Variants in SYN1 observed in about 807,000 individuals in gnomAD.
The protein encoded by SYN1 is synapsin I, also known as synapsin-1.
Under a neutral mutation model 44.6 loss-of-function variants are expected in SYN1, and 8 were observed. That is an observed-to-expected ratio of 0.18 (90% CI 0.11 to 0.32). The LOEUF is 0.32. Ranked by LOEUF, SYN1 falls within the 10% of genes least tolerant of loss-of-function variation. The pLI is 1.00. For missense variants in SYN1, 451 were observed against 639.4 expected (o/e 0.71, Z 3.18); for synonymous variants, 275 against 280.1 (o/e 0.98, Z 0.18).
Position 47,574,700 on chromosome X carries a change from G to T in SYN1, c.1381C>A (p.Pro461Thr). 2.5e-6 allele frequency: 3 copies of T among 1,184,756 alleles called. No homozygotes were observed. The highest frequency in any genetic ancestry group is 3.4e-6 in the Non-Finnish European group (3 of 882,229). ...QPAGPPAQQR[P>T]PPQGGPPQPG... ...GCCTCTCGCTTACCCTGTGGTGGGG[G>T]TCGCTGCTGAGCCGGGGGCCCTGCG... is the stretch of plus-strand genomic sequence containing the variant. Residue 461 changes from proline to threonine, a missense_variant, in exon 11 of 13, where the codon CCC (proline) becomes ACC (threonine). Transcript: ENST00000295987.
At chrX:47,577,170 G>A (rs1390200287) in intron 6 of SYN1, among the ~76,000 whole-genome samples, 1 of 111,092 alleles carries the variant, frequency 9.0e-6, no homozygotes, top group Non-Finnish European at 1.9e-5. Context: ...CACGATGCTG[G>A]AGACAAGCAA....
intron 1 of SYN1, among the ~76,000 whole-genome samples, chrX:47,616,573 A>G (rs1306266684): frequency 8.9e-6 from 1 of 111,847 alleles, no homozygotes; most frequent in Non-Finnish European, 1.9e-5. Flanking sequence ...GCTGACTTCA[A>G]TGGAGCAAAC....
intron 5 of SYN1, among the ~76,000 whole-genome samples, chrX:47,594,068 T>TA (rs1199745903): frequency 4.5e-5 from 5 of 110,489 alleles, no homozygotes; most frequent in African/African-American, 1.6e-4. Flanking sequence ...CAATCTCTTA[T>TA]AAAAAATACA....
chrX:47,614,662 GTTCCAGACC>G (rs2057926180), intron 1 of SYN1, among the ~76,000 whole-genome samples: 1 of 111,869 alleles, frequency 8.9e-6, no homozygotes, highest in Non-Finnish European at 1.9e-5. Context: ...TTACCTCCTT[GTTCCAGACC>G]TTTGCATCTA....
Position 47,619,680 on chromosome X carries a change from G to C in SYN1, c.49C>G (p.Leu17Val). The part of the protein sequence containing the change: ...RLSDSNFMAN[L>V]PNGYMTDLQR... ...AGGTCTGTCATGTACCCATTTGGCA[G>C]ATTGGCCATAAAGTTGCTGTCCGAC... is the stretch of plus-strand genomic sequence containing the variant. Residue 17 changes from leucine (L) to valine (V), a missense_variant, in exon 1 of 13, where the codon CTG becomes GTG. Leu to Val is a conservative substitution (Grantham distance 32, BLOSUM62 1). Coordinates refer to ENST00000295987, the MANE Select transcript of SYN1 (RefSeq NM_006950.3). 1 of 1,170,721 alleles carries C rather than the reference G, an allele frequency of 8.5e-7. No individual in the cohort carries two copies. Among genetic ancestry groups the C allele is most frequent in the Non-Finnish European group, 1.1e-6 (1 of 874,127 alleles).
intron 5 of SYN1, chrX:47,586,670 C>T (rs1195043076): frequency 8.3e-7 from 1 of 1,208,763 alleles, no homozygotes; most frequent in Non-Finnish European, 1.1e-6. Context: ...CCTGGCAGTC[C>T]CTGCGGTCCC....
rs1327204390 is a variant in SYN1 at position 47,574,249 on chromosome X, C to T, written c.1735G>A (p.Gly579Arg). 9.1e-7 allele frequency: 1 copy of T among 1,101,522 alleles called. No individual in the cohort carries two copies. Among genetic ancestry groups the T allele is most frequent in the South Asian group, 2.1e-5 (1 of 46,741 alleles). The allele number at this position is 1,101,522 out of a possible 1,213,427, so 90.8% of individuals were successfully genotyped here. A position where few individuals can be genotyped will look rare whatever the true frequency, so the allele number is the denominator to read the frequency against. ...VSGPAPPKAS[G>R]APPGGQQRQG... is the part of the protein sequence containing the mutation. ...CGCTGCTGCCCGCCCGGTGGGGCCCCAGAGGCCTTTGGCGGAGCCGGGCCA... is the reference window on the plus strand; with the variant it reads ...CGCTGCTGCCCGCCCGGTGGGGCCCTAGAGGCCTTTGGCGGAGCCGGGCCA... The change falls in exon 12 of 13, where the codon GGG becomes AGG. Residue 579 changes from glycine (G) to arginine (R), a missense_variant. Gly to Arg is a moderately radical substitution (Grantham distance 125). Coordinates refer to ENST00000295987, the MANE Select transcript of SYN1 (RefSeq NM_006950.3).
At chrX:47,587,723 C>T (rs2057832277) in intron 5 of SYN1, among the ~76,000 whole-genome samples, 1 of 110,588 alleles carries the variant, frequency 9.0e-6, no homozygotes, top group Non-Finnish European at 1.9e-5. Flanking sequence ...CAAATACTCC[C>T]CTCTGAGGCC....
Position 47,574,587 on chromosome X carries a change from C to T in SYN1, c.1397G>A (p.Gly466Asp). Reference protein sequence around the residue: ...PAQQRPPPQGGPPQPGPGPQR... With the variant: ...PAQQRPPPQGDPPQPGPGPQR... ...GGGGCCTGGACCCGGCTGTGGAGGG[C>T]CGCCTGGGGGACAGAGGGAGAGAAA... The change falls in exon 12 of 13, where the codon GGC becomes GAC. Residue 466 changes from glycine to aspartate, a missense_variant. Gly to Asp is a moderately conservative substitution (Grantham distance 94). Transcript: ENST00000295987. The T allele has an allele frequency of 1.8e-6, 2 of 1,098,137 alleles. No individual in the cohort carries two copies. The highest frequency in any genetic ancestry group is 2.4e-6 in the Non-Finnish European group (2 of 832,663). The allele number at this position is 1,098,137 out of a possible 1,213,427, so 90.5% of individuals were successfully genotyped here.
Position 47,577,528 on chromosome X carries a change from T to A in SYN1, c.775-27A>T. 3 of 1,190,180 alleles carry A rather than the reference T, an allele frequency of 2.5e-6. No homozygotes were observed. In the South Asian group the frequency reaches 5.5e-5, roughly 22 times the overall value. On this transcript the variant is annotated intron_variant, in intron 5 of 12. Transcript: ENST00000295987. ...TGGTGGGGAAAAGGCAGAGGAGACA[T>A]GCTCAGGGCAGAAAGGGTGACCTCC... is the stretch of plus-strand genomic sequence containing the variant.
chrX:47,574,675 G>C lies in SYN1; in HGVS notation c.1393+13C>G. ...CTGAGGGAGGGGACTGCGACCGCCAGCCTCTCGCTTACCCTGTGGTGGGGG... is the reference window on the plus strand; with the variant it reads ...CTGAGGGAGGGGACTGCGACCGCCACCCTCTCGCTTACCCTGTGGTGGGGG... On this transcript the variant is annotated intron_variant, in intron 11 of 12. Coordinates refer to ENST00000295987, the MANE Select transcript of SYN1 (RefSeq NM_006950.3). The C allele has an allele frequency of 8.5e-7, 1 of 1,174,297 alleles. No individual in the cohort carries two copies. Among genetic ancestry groups the C allele is most frequent in the South Asian group, 1.9e-5 (1 of 53,378 alleles).
chrX:47,605,277 G>A lies in SYN1; in HGVS notation c.630C>T (p.Ile210=), dbSNP rs35944641. The A allele has an allele frequency of 7.8e-5, 94 of 1,207,751 alleles. No individual in the cohort carries two copies. Among genetic ancestry groups the A allele is most frequent in the Non-Finnish European group, 1.0e-4 (91 of 894,186 alleles). ...CAGAATGCAAGGAGTTAACACTGGG[G>A]ATTCCAGCATACTGCAGCCCAATGA... is the stretch of plus-strand genomic sequence containing the variant. ...SLVIGLQYAG[I]PSVNSLHSVY... is the part of the protein sequence containing the mutation. The change falls in exon 4 of 13, where the codon ATC becomes ATT. Residue 210 remains isoleucine, a synonymous_variant. Transcript: ENST00000295987.
At chrX:47,590,485 G>A (rs1208365249) in intron 5 of SYN1, among the ~76,000 whole-genome samples, 1 of 112,225 alleles carries the variant, frequency 8.9e-6, no homozygotes, top group Non-Finnish European at 1.9e-5. Context: ...TCCCCAGTCC[G>A]TAGTGTTCTG....
At chrX:47,584,855 TATG>T (rs753438356) in intron 5 of SYN1, 2,587 of 814,417 alleles carry the variant, frequency 3.2e-3, no homozygotes, top group Non-Finnish European at 3.7e-3. Flanking sequence ...GCTTTGCTGG[TATG>T]ATGATGATGA....
At chrX:47,618,577 G>A (rs746916219) in intron 1 of SYN1, among the ~76,000 whole-genome samples, 7 of 111,359 alleles carry the variant, frequency 6.3e-5, no homozygotes, top group African/African-American at 9.8e-5. Flanking sequence ...TGTTTGAGAA[G>A]GGGTTTGGGG....
At chrX:47,579,275 C>T (rs965455032) in intron 5 of SYN1, among the ~76,000 whole-genome samples, 6 of 111,461 alleles carry the variant, frequency 5.4e-5, no homozygotes, top group South Asian at 7.5e-4. Context: ...CTGAACACAA[C>T]GCTCTGTATA....
intron 1 of SYN1, among the ~76,000 whole-genome samples, chrX:47,615,278 CTG>C (rs1482027252): frequency 1.8e-5 from 2 of 111,047 alleles, no homozygotes; most frequent in African/African-American, 6.6e-5. Context: ...ATATGCATAA[CTG>C]GAATTAAAGT....
In SYN1 at chrX:47,585,168, G is replaced by C. The variant is rs774540613; in HGVS notation, c.775-7667C>G. The stretch of plus-strand genomic sequence containing the variant: ...GAAGAACCTGGAGTGGGAGGATTAT[G>C]TCAGTAAAAGAGACACTTCCCCTCA... On this transcript the variant is annotated intron_variant, in intron 5 of 12. Transcript: ENST00000295987. 7.7e-6 allele frequency: 9 copies of C among 1,166,902 alleles called. No individual in the cohort carries two copies. In the South Asian group the frequency reaches 1.4e-4, roughly 18 times the overall value.
chrX:47,614,632 T>C (rs899624224), intron 1 of SYN1, among the ~76,000 whole-genome samples: 2 of 111,743 alleles, frequency 1.8e-5, no homozygotes, highest in African/African-American at 6.5e-5. Flanking sequence ...AGGTGTGGAC[T>C]ATATGCTCCC....
Sources: allele counts gnomAD v4.1 joint callset (sites outside exome capture counted in the v4.1 genomes callset), GRCh38; gene constraint gnomAD v4.1.1; transcripts MANE v1.5; gene names NCBI Gene and HGNC (gene_info 2026-07-23, HGNC 2026-07-21).